Variants in RBFOX1 observed in about 807,000 individuals in gnomAD.
RBFOX1 encodes RNA binding protein fox-1 homolog 1.
Under a neutral mutation model 57.7 loss-of-function variants are expected in RBFOX1, and 8 were observed. The observed-to-expected ratio is 0.14, with a 90% CI of 0.08 to 0.25. The LOEUF (loss-of-function observed/expected upper bound fraction) is 0.25, where lower values mean the gene tolerates loss of function less well. Among genes scored for constraint, RBFOX1 ranks in the 10% least tolerant of loss-of-function variants. RBFOX1 has a pLI of 1.00. For missense variants in RBFOX1, 611 were observed against 548.5 expected (o/e 1.11, Z -1.14); for synonymous variants, 326 against 222.4 (o/e 1.47, Z -4.15).
intron 3 of RBFOX1, among the ~76,000 whole-genome samples, chr16:6,715,922 T>C (rs2064725445): frequency 6.6e-6 from 1 of 152,210 alleles, no homozygotes. Flanking sequence ...CATACCCTGC[T>C]TCTCTCTTCC....
chr16:7,411,070 C>T (rs1256008808), intron 4 of RBFOX1, among the ~76,000 whole-genome samples: 3 of 152,012 alleles, frequency 2.0e-5, no homozygotes, highest in South Asian at 2.1e-4. Context: ...CTCAGCGTAC[C>T]GAGTAGCTGG....
At chr16:5,512,406 A>C in intron 2 of RBFOX1, among the ~76,000 whole-genome samples, 47 of 132,814 alleles carry the variant, frequency 3.5e-4, no homozygotes, top group East Asian at 6.4e-4. Context: ...TCTTCCTCCT[A>C]CTCCTCTCTC....
rs147337773 is a variant in RBFOX1, at chr16:7,282,594, T to G, written c.27+230496T>G. Among the ~76,000 whole-genome samples, 13 of 152,130 alleles carry G rather than the reference T, an allele frequency of 8.5e-5. No individual in the cohort carries two copies. In the East Asian group the frequency reaches 2.3e-3, roughly 27 times the overall value. On this transcript the variant is annotated intron_variant, in intron 4 of 15. Coordinates refer to ENST00000550418, the MANE Select transcript of RBFOX1 (RefSeq NM_018723.4). The stretch of plus-strand genomic sequence containing the variant: ...TCCTGTTATCGTTCTTTTAAAAAAT[T>G]TTTCCATAGGTTATTGGGGGAACAG...
intron 2 of RBFOX1, among the ~76,000 whole-genome samples, chr16:5,591,244 A>G (rs1266295941): frequency 6.7e-6 from 1 of 149,262 alleles, no homozygotes; most frequent in African/African-American, 2.5e-5. Context: ...TCCTTCTCCA[A>G]AATGAACCTT....
intron 1 of RBFOX1, among the ~76,000 whole-genome samples, chr16:6,081,706 C>T (rs191395778): frequency 6.6e-6 from 1 of 152,220 alleles, no homozygotes; most frequent in Admixed American, 6.5e-5. Flanking sequence ...GAAAGTTGAG[C>T]TAAATGGGGA....
At chr16:5,937,394 T>G (rs551306426) in intron 4 of RBFOX1, among the ~76,000 whole-genome samples, 2 of 152,062 alleles carry the variant, frequency 1.3e-5, no homozygotes, top group South Asian at 4.1e-4. Flanking sequence ...CATTCTAGAG[T>G]AGAGGCGTGA....
intron 1 of RBFOX1, among the ~76,000 whole-genome samples, chr16:5,419,537 A>G (rs974704729): frequency 2.0e-5 from 3 of 151,844 alleles, no homozygotes; most frequent in African/African-American, 7.3e-5. Flanking sequence ...ACACCCTCAT[A>G]GACACACCCA....
At chr16:5,561,430 G>C (rs2045886636) in intron 2 of RBFOX1, among the ~76,000 whole-genome samples, 1 of 151,910 alleles carries the variant, frequency 6.6e-6, no homozygotes, top group Non-Finnish European at 1.5e-5. Context: ...ATACCAGTTA[G>C]TGGGACACAG....
At chr16:7,394,564 C>A (rs1056129751) in intron 4 of RBFOX1, among the ~76,000 whole-genome samples, 7 of 152,262 alleles carry the variant, frequency 4.6e-5, no homozygotes, top group African/African-American at 1.7e-4. Context: ...TTCCATTTAT[C>A]CATTCCTCTT....
intron 4 of RBFOX1, among the ~76,000 whole-genome samples, chr16:7,079,275 G>C (rs1598889658): frequency 6.6e-6 from 1 of 152,266 alleles, no homozygotes; most frequent in East Asian, 1.9e-4. Context: ...GCCCCAACTG[G>C]AGCTTGCAAA....
At chr16:6,955,180 T>G (rs1182511459) in intron 3 of RBFOX1, among the ~76,000 whole-genome samples, 1 of 152,010 alleles carries the variant, frequency 6.6e-6, no homozygotes, top group African/African-American at 2.4e-5. Context: ...CTGAGATGTT[T>G]CAGTGAACTG....
In RBFOX1 at chr16:7,292,161, G is replaced by T. The variant is rs867252340; in HGVS notation, c.28-225986G>T. Among the ~76,000 whole-genome samples the T allele has an allele frequency of 3.2e-5, 4 of 123,582 alleles. No homozygotes were observed. In the Admixed American group the frequency reaches 3.7e-4, roughly 11 times the overall value. The allele number at this position is 123,582 out of a possible 152,430, so 81.1% of individuals were successfully genotyped here. A position where few individuals can be genotyped will look rare whatever the true frequency, so the allele number is the denominator to read the frequency against. ...TTACGTATGATATATAATATAGAAC[G>T]TATTATATATCATATATCATATATG... On this transcript the variant is annotated intron_variant, in intron 4 of 15. Transcript: ENST00000550418.
intron 2 of RBFOX1, among the ~76,000 whole-genome samples, chr16:5,469,927 T>C (rs1376565864): frequency 6.6e-6 from 1 of 152,238 alleles, no homozygotes; most frequent in East Asian, 1.9e-4. Flanking sequence ...TGTCTACCTT[T>C]TGTCTATTGC....
chr16:6,202,511 A>T (rs932411382), intron 1 of RBFOX1, among the ~76,000 whole-genome samples: 14 of 152,194 alleles, frequency 9.2e-5, no homozygotes, highest in African/African-American at 3.4e-4. Flanking sequence ...TTTCACAGAT[A>T]ACTCATGCAC....
intron 2 of RBFOX1, among the ~76,000 whole-genome samples, chr16:5,500,131 TCC>T (rs2043138627): frequency 3.7e-5 from 5 of 134,004 alleles, no homozygotes; most frequent in African/African-American, 1.4e-4. Context: ...CTTCCCTCCT[TCC>T]CTCCTTCCCT....
At chr16:7,629,934 G>T (rs750349076) in intron 10 of RBFOX1, among the ~76,000 whole-genome samples, 5 of 152,158 alleles carry the variant, frequency 3.3e-5, no homozygotes, top group African/African-American at 4.8e-5. Context: ...GTCCAGTGTG[G>T]GTCCAGGGTG....
intron 4 of RBFOX1, among the ~76,000 whole-genome samples, chr16:7,129,867 T>A (rs1290323045): frequency 6.6e-6 from 1 of 151,694 alleles, no homozygotes; most frequent in African/African-American, 2.4e-5. Context: ...CATGGATAGA[T>A]GGTGGATGAA....
intron 3 of RBFOX1, among the ~76,000 whole-genome samples, chr16:6,982,516 C>T (rs536679897): frequency 2.8e-4 from 43 of 152,252 alleles, no homozygotes; most frequent in Admixed American, 9.2e-4. Flanking sequence ...TAGTCTCAGA[C>T]GGCCTCGCCC....
At chr16:6,413,139 G>T (rs535914059) in intron 2 of RBFOX1, among the ~76,000 whole-genome samples, 32 of 152,156 alleles carry the variant, frequency 2.1e-4, no homozygotes, top group African/African-American at 7.7e-4. Context: ...AACCAACATG[G>T]AGAAACCCTG....
Sources: allele counts gnomAD v4.1 joint callset (sites outside exome capture counted in the v4.1 genomes callset), GRCh38; gene constraint gnomAD v4.1.1; transcripts MANE v1.5; gene names NCBI Gene and HGNC (gene_info 2026-07-23, HGNC 2026-07-21).